The following TUBGCP3 variants were observed in gnomAD, a reference collection of about 807,000 sequenced individuals.
TUBGCP3 encodes tubulin gamma complex component 3, also known as gamma-tubulin complex component 3.
In TUBGCP3, 50 loss-of-function variants were observed where a neutral mutation model predicts 123.1. The observed-to-expected ratio is 0.41, with a 90% confidence interval of 0.32 to 0.51. The LOEUF (loss-of-function observed/expected upper bound fraction) is 0.51, where lower values mean the gene tolerates loss of function less well. Among genes scored for constraint, TUBGCP3 ranks in the 20% least tolerant of loss-of-function variants. The probability of loss-of-function intolerance (pLI) is 0.36; values close to 1 mark genes in which losing one functional copy is unlikely to be tolerated. For missense variants in TUBGCP3, 882 were observed against 1,127.0 expected (o/e 0.78, Z 3.11); for synonymous variants, 405 against 413.9 (o/e 0.98, Z 0.26).
chr13:112,520,077 T>A, intron 14 of TUBGCP3, 56 bp from the exon 15 acceptor site: 3 of 1,519,384 alleles, frequency 2.0e-6, no homozygotes, highest in Admixed American at 1.9e-5. Context: ...TAATGAACTT[T>A]AAAAAACGTA....
chr13:112,598,945 C>CAAAA, the TUBGCP3 span, among the ~76,000 whole-genome samples: 1 of 71,604 alleles, frequency 1.4e-5, no homozygotes, highest in Non-Finnish European at 2.7e-5. Context: ...GACTCCGTCT[C>CAAAA]AAAAAAAAAA....
At position 112,504,710 on chromosome 13, in the gene TUBGCP3, G is replaced by A; in HGVS notation, c.2091C>T (p.Phe697=). 3.1e-6 allele frequency: 5 copies of A among 1,613,234 alleles called. No homozygotes were observed. The highest frequency in any genetic ancestry group is 4.2e-6 in the Non-Finnish European group (5 of 1,179,486). Residue 697 remains phenylalanine (F), a synonymous_variant, in exon 18 of 22, where the codon TTC becomes TTT. Transcript: ENST00000261965. ...TGTGACACTGGTGCAGCACCCCGGA[G>A]AACTCTGCAAGGGAAGAGTTGACGT... ...NAKLLRNMPE[F]SGVLHQCHIL... is the part of the protein sequence containing the mutation.
At chr13:112,516,654 A>C in intron 16 of TUBGCP3, 79 bp from the exon 17 acceptor site, 2 of 1,451,742 alleles carry the variant, frequency 1.4e-6, no homozygotes, top group South Asian at 1.4e-5. Flanking sequence ...CTTTTTTTAA[A>C]AAGGTACATT....
chr13:112,561,312 G>T (rs1447356517), intron 3 of TUBGCP3, among the ~76,000 whole-genome samples: 1 of 152,196 alleles, frequency 6.6e-6, no homozygotes, highest in African/African-American at 2.4e-5. Flanking sequence ...CAGGACCAAG[G>T]AGCCAAGCTG....
At chr13:112,560,454 A>G (rs1265144830) in intron 3 of TUBGCP3, among the ~76,000 whole-genome samples, 2 of 151,942 alleles carry the variant, frequency 1.3e-5, no homozygotes, top group Non-Finnish European at 2.9e-5. Context: ...AGTGGGTCTG[A>G]AGCACTTAGC....
At chr13:112,539,155 T>C (rs1315550276) in intron 11 of TUBGCP3, among the ~76,000 whole-genome samples, 2 of 152,206 alleles carry the variant, frequency 1.3e-5, no homozygotes, top group Admixed American at 1.3e-4. Flanking sequence ...GCTATACACT[T>C]CCTATTGGTC....
chr13:112,586,956 G>T (rs923221521), intron 1 of TUBGCP3, among the ~76,000 whole-genome samples: 2 of 152,160 alleles, frequency 1.3e-5, no homozygotes, highest in African/African-American at 4.8e-5. Flanking sequence ...AACATCCAAT[G>T]AATTATGTAC....
At chr13:112,514,862 A>G (rs1875959240) in intron 17 of TUBGCP3, among the ~76,000 whole-genome samples, 2 of 152,242 alleles carry the variant, frequency 1.3e-5, no homozygotes, top group South Asian at 4.1e-4. Context: ...CATTATTTAT[A>G]TCGGCAAAAA....
intron 21 of TUBGCP3, among the ~76,000 whole-genome samples, chr13:112,489,376 T>C (rs1172938933): frequency 1.3e-5 from 2 of 152,260 alleles, no homozygotes; most frequent in Non-Finnish European, 1.5e-5. Context: ...GGGTTCTCAC[T>C]GATGGCACAC....
intron 20 of TUBGCP3, among the ~76,000 whole-genome samples, chr13:112,497,484 G>A (rs1482873640): frequency 6.6e-6 from 1 of 152,212 alleles, no homozygotes. Context: ...TCTAACACAG[G>A]TTTTAAGAGA....
At chr13:112,520,207 T>C (rs1245948183) in intron 14 of TUBGCP3, among the ~76,000 whole-genome samples, 186 bp from the exon 15 acceptor site, 1 of 152,186 alleles carries the variant, frequency 6.6e-6, no homozygotes. Context: ...CTAATTATTG[T>C]GGAGTTACAT....
At chr13:112,605,337 T>TAATAAC in the TUBGCP3 span, 1 of 147,236 alleles carries the variant, frequency 6.8e-6, no homozygotes, top group Admixed American at 6.7e-5. Context: ...ATAATAATAA[T>TAATAAC]AACAACAGCT....
At chr13:112,566,473 G>C (rs1324628089) in intron 2 of TUBGCP3, among the ~76,000 whole-genome samples, 1 of 152,034 alleles carries the variant, frequency 6.6e-6, no homozygotes, top group African/African-American at 2.4e-5. Context: ...AAAGGATCTT[G>C]GTATGAAGCA....
At chr13:112,603,141 G>A in the TUBGCP3 span, 2 of 152,258 alleles carry the variant, frequency 1.3e-5, no homozygotes, top group Admixed American at 1.3e-4. Context: ...ATCAATTGTG[G>A]ATTCTTACTG....
intron 20 of TUBGCP3, among the ~76,000 whole-genome samples, chr13:112,498,151 G>T (rs1880649738): frequency 6.6e-6 from 1 of 151,974 alleles, no homozygotes; most frequent in Admixed American, 6.6e-5. Context: ...TGCATTACAG[G>T]TATATAAACA....
chr13:112,541,777 T>G (rs1878539145), intron 11 of TUBGCP3, among the ~76,000 whole-genome samples: 1 of 152,212 alleles, frequency 6.6e-6, no homozygotes, highest in Non-Finnish European at 1.5e-5. Flanking sequence ...ACTCAGACAA[T>G]TCCCACTCCA....
intron 21 of TUBGCP3, 92 bp from the exon 22 acceptor site, chr13:112,486,243 T>C (rs1186920147): frequency 6.8e-7 from 1 of 1,468,482 alleles, no homozygotes; most frequent in African/African-American, 1.4e-5. Flanking sequence ...GGGTTGGGTC[T>C]GTTTTTCCTT....
At chr13:112,559,492 A>C in intron 3 of TUBGCP3, 93 bp from the exon 4 acceptor site, 1 of 1,032,960 alleles carries the variant, frequency 9.7e-7, no homozygotes, top group African/African-American at 1.7e-5. Context: ...CAAACTAGAA[A>C]TGCATTTTAA....
intron 21 of TUBGCP3, among the ~76,000 whole-genome samples, chr13:112,486,607 T>C (rs1198903938): frequency 6.6e-6 from 1 of 152,170 alleles, no homozygotes; most frequent in African/African-American, 2.4e-5. Context: ...AGTCGGGTCT[T>C]TGGGTCTAGC....
Sources: allele counts gnomAD v4.1 joint callset (sites outside exome capture counted in the v4.1 genomes callset), GRCh38; gene constraint gnomAD v4.1.1; transcripts MANE v1.5; gene names NCBI Gene and HGNC (gene_info 2026-07-23, HGNC 2026-07-21).